Variants in DYNC2I1 observed in about 807,000 individuals in gnomAD.
The protein encoded by DYNC2I1 is dynein 2 intermediate chain 1.
DYNC2I1 carries 89 observed loss-of-function variants against 133.4 expected under a neutral mutation model. That is an observed-to-expected ratio of 0.67 (90% CI 0.56 to 0.80). The LOEUF (loss-of-function observed/expected upper bound fraction) is 0.80, where lower values mean the gene tolerates loss of function less well. Among genes scored for constraint, DYNC2I1 ranks in the 30% least tolerant of loss-of-function variants. The pLI, the probability that DYNC2I1 is intolerant of heterozygous loss-of-function variation, is 0.00. For synonymous variants in DYNC2I1, 504 were observed against 484.3 expected (o/e 1.04, Z -0.54); for missense variants, 1,291 against 1,314.5 (o/e 0.98, Z 0.28).
chr7:158,856,469 G>T (rs192708189), upstream of DYNC2I1: 1 of 378,608 alleles, frequency 2.6e-6, no homozygotes, highest in East Asian at 3.8e-5. Context: ...CATTGGGAGG[G>T]GCCGCGGGCA....
chr7:158,865,463 C>T (rs1236855302), intron 1 of DYNC2I1, among the ~76,000 whole-genome samples: 1 of 152,170 alleles, frequency 6.6e-6, no homozygotes, highest in Non-Finnish European at 1.5e-5. Flanking sequence ...GGGACAGAGG[C>T]CCTGGGGAGC....
chr7:158,839,552 G>T, the DYNC2I1 span, among the ~76,000 whole-genome samples: 1 of 152,216 alleles, frequency 6.6e-6, no homozygotes, highest in African/African-American at 2.4e-5. Context: ...GGGCACGGTG[G>T]TTCACGCCTG....
intron 5 of DYNC2I1, among the ~76,000 whole-genome samples, chr7:158,881,331 G>C (rs1054780330): frequency 6.6e-6 from 1 of 152,178 alleles, no homozygotes. Flanking sequence ...TCTGCTACCC[G>C]CGTCTACGGT....
chr7:158,924,537 C>A (rs1277261562), intron 17 of DYNC2I1, among the ~76,000 whole-genome samples: 1 of 152,194 alleles, frequency 6.6e-6, no homozygotes, highest in African/African-American at 2.4e-5. Flanking sequence ...AATTGTGCCC[C>A]TCTGTGTGGG....
chr7:158,901,173 C>T (rs1846218246), intron 8 of DYNC2I1, among the ~76,000 whole-genome samples: 1 of 152,174 alleles, frequency 6.6e-6, no homozygotes, highest in Non-Finnish European at 1.5e-5. Flanking sequence ...CAGGCTCAAG[C>T]AGTCCTCTCA....
rs867717650 is a variant in DYNC2I1, at chr7:158,926,547, G to A, written c.2433+84G>A. 4.0e-4 allele frequency: 585 copies of A among 1,447,708 alleles called. 6 individuals carry two copies. The highest frequency in any genetic ancestry group is 3.7e-3 in the South Asian group (305 of 82,452). 89.7% of individuals were successfully genotyped at this position (1,447,708 alleles called of 1,614,324 possible). A position where few individuals can be genotyped will look rare whatever the true frequency, so the allele number is the denominator to read the frequency against. On this transcript the variant is annotated intron_variant, in intron 19 of 24. Coordinates refer to ENST00000407559, the MANE Select transcript of DYNC2I1 (RefSeq NM_018051.5). ...GTGGCGCCTGAATGGCGCAGGGGGC[G>A]GGACCCAGTTAGCTGTGGTGGGAAA... is the stretch of plus-strand genomic sequence containing the variant.
At chr7:158,946,508 A>G (rs575091435), downstream of DYNC2I1, among the ~76,000 whole-genome samples, 1 of 152,360 alleles carries the variant, frequency 6.6e-6, no homozygotes, top group East Asian at 1.9e-4. Flanking sequence ...TGCTTTCCGC[A>G]GTACCTCATG....
In DYNC2I1 at chr7:158,906,049, C is replaced by G; in HGVS notation, c.1418C>G (p.Ala473Gly). Residue 473 changes from alanine (A) to glycine (G), a missense_variant, in exon 11 of 25, where the codon GCT (alanine) becomes GGT (glycine). Physicochemically the swap from Ala to Gly is moderately conservative, Grantham distance 60 (BLOSUM62 0). Coordinates refer to ENST00000407559, the MANE Select transcript of DYNC2I1 (RefSeq NM_018051.5). Reference sequence around the variant, plus strand: ...GGAATTTTTGTGGATTTTGCCTCAGCTTCACACCGTCAAAAGAGTCGGACT... The same window carrying G: ...GGAATTTTTGTGGATTTTGCCTCAGGTTCACACCGTCAAAAGAGTCGGACT... ...VCGIFVDFAS[A>G]SHRQKSRTQA... is the part of the protein sequence containing the mutation. 6.2e-7 allele frequency: 1 copy of G among 1,613,804 alleles called. No homozygotes were observed.
At chr7:158,863,141 T>C (rs1842017389) in intron 1 of DYNC2I1, among the ~76,000 whole-genome samples, 1 of 150,676 alleles carries the variant, frequency 6.6e-6, no homozygotes, top group South Asian at 2.1e-4. Context: ...GGGGGCCAGC[T>C]TTTATTCCCT....
chr7:158,951,953 G>A (rs1219338419), intron 4 of DYNC2I1, among the ~76,000 whole-genome samples: 1 of 152,164 alleles, frequency 6.6e-6, no homozygotes, highest in East Asian at 1.9e-4. Context: ...AATCGCCCTG[G>A]GTTGAGGCAT....
intron 1 of DYNC2I1, among the ~76,000 whole-genome samples, chr7:158,857,364 T>C (rs1338499916): frequency 6.6e-6 from 1 of 152,188 alleles, no homozygotes; most frequent in Non-Finnish European, 1.5e-5. Context: ...ACTCAATAAA[T>C]GTTAGATATT....
chr7:158,928,429 G>A (rs1849843486), intron 20 of DYNC2I1, among the ~76,000 whole-genome samples: 1 of 152,166 alleles, frequency 6.6e-6, no homozygotes, highest in Non-Finnish European at 1.5e-5. Flanking sequence ...CTTGAGATGA[G>A]GGAAGAGGCC....
In DYNC2I1 at chr7:158,871,148, C is replaced by T. The variant is rs1295343357; in HGVS notation, c.76C>T (p.Gln26Ter). ...DDLRKHLWAI[Q>*]SGGSKEERKH... ...CTTTGTTCTCTTGTTTCAGGCCATA[C>T]AGTCAGGTGGTTCCAAGGAAGAAAG... The change falls in exon 3 of 25, where the codon CAG becomes TAG. Residue 26 changes from glutamine (Q) to a stop codon, truncating the protein, a stop_gained. Transcript: ENST00000407559. LOFTEE classifies it high-confidence loss of function. The T allele has an allele frequency of 2.5e-6, 4 of 1,611,848 alleles. No individual in the cohort carries two copies. Among genetic ancestry groups the T allele is most frequent in the Admixed American group, 3.4e-5 (2 of 59,674 alleles).
At chr7:158,884,205 C>T (rs375940511) in intron 5 of DYNC2I1, among the ~76,000 whole-genome samples, 2,155 of 151,920 alleles carry the variant, frequency 0.014, 42 homozygotes, top group African/African-American at 0.049. Context: ...CCACCACGCC[C>T]GGCTAATTTT....
chr7:158,950,324 C>A (rs180794792), downstream of DYNC2I1, among the ~76,000 whole-genome samples: 1 of 152,222 alleles, frequency 6.6e-6, no homozygotes, highest in African/African-American at 2.4e-5. Flanking sequence ...CTTGGCCTCC[C>A]GAAGTGCTGG....
intron 13 of DYNC2I1, 122 bp from the exon 14 acceptor site, chr7:158,914,111 C>G (rs896239827): frequency 1.3e-5 from 9 of 702,810 alleles, no homozygotes; most frequent in Non-Finnish European, 6.9e-6. Flanking sequence ...TTGAAGTTTT[C>G]TGTCTTTTCC....
intron 1 of DYNC2I1, among the ~76,000 whole-genome samples, chr7:158,864,806 CA>C (rs1842256575): frequency 6.6e-6 from 1 of 152,084 alleles, no homozygotes; most frequent in South Asian, 2.1e-4. Context: ...ATGCCTGGCT[CA>C]AAATAACTTC....
intron 1 of DYNC2I1, 126 bp from the exon 2 acceptor site, chr7:158,869,729 A>T: frequency 1.5e-6 from 1 of 661,378 alleles, no homozygotes; most frequent in Admixed American, 2.9e-5. Context: ...CAGGAGGTAG[A>T]GAAGTATTTT....
intron 1 of DYNC2I1, among the ~76,000 whole-genome samples, chr7:158,867,704 G>A (rs1842530717): frequency 6.6e-6 from 1 of 152,152 alleles, no homozygotes; most frequent in Non-Finnish European, 1.5e-5. Context: ...GCGTTGGGCT[G>A]AGGGGCCCTT....
Sources: gnomAD v4.1 joint callset for allele counts (sites outside exome capture counted in the v4.1 genomes callset) on GRCh38, gnomAD v4.1.1 for gene constraint, MANE v1.5 for transcripts, NCBI Gene and HGNC (gene_info 2026-07-23, HGNC 2026-07-21) for gene names.